The following TMEM53 variants were observed in gnomAD, a reference collection of about 807,000 sequenced individuals.
TMEM53 encodes the protein novel DUF829 domain-containing protein.
TMEM53 carries 14 observed loss-of-function variants against 21.4 expected under a neutral mutation model. The observed-to-expected ratio is 0.65, with a 90% CI of 0.43 to 1.02. The LOEUF (loss-of-function observed/expected upper bound fraction) is 1.02. Ranked by LOEUF, TMEM53 falls within the 50% of genes least tolerant of loss-of-function variation. The pLI is 0.00. For missense variants in TMEM53, 323 were observed against 383.6 expected (o/e 0.84, Z 1.32); for synonymous variants, 148 against 157.4 (o/e 0.94, Z 0.45).
At chr1:44,669,900 G>A (rs1490445609) in intron 1 of TMEM53, among the ~76,000 whole-genome samples, 2 of 151,114 alleles carry the variant, frequency 1.3e-5, no homozygotes, top group Non-Finnish European at 2.9e-5. Flanking sequence ...CCAGGTTCAA[G>A]CGATTCTCCT....
rs527847949 is a variant in TMEM53 at position 44,655,374 on chromosome 1, G to A, written c.184-165C>T. Among the ~76,000 whole-genome samples the A allele has an allele frequency of 5.3e-5, 8 of 152,244 alleles. No individual in the cohort carries two copies. Among genetic ancestry groups the A allele is most frequent in the Admixed American group, 1.3e-4 (2 of 15,296 alleles). ...TTCAGCCTGAGCCCACCAGCCCGCT[G>A]CCCACAGACACAGGTGCCTTCTGGG... On this transcript the variant is annotated intron_variant, in intron 2 of 2. Transcript: ENST00000372237. This position sits in a 1 kb window ranked among gnomAD's most constrained non-coding sequence, Gnocchi z 4.4.
chr1:44,658,434 C>T lies in TMEM53; in HGVS notation c.183+1740G>A, dbSNP rs183324240. ...CCTCAATCCATCACCTTACCTCTAC[C>T]GACACCCCCAACTCCAAGGTCCTGA... On this transcript the variant is annotated intron_variant, in intron 2 of 2. Coordinates refer to ENST00000372237, the MANE Select transcript of TMEM53 (RefSeq NM_024587.4). 7.4e-4 allele frequency among the ~76,000 whole-genome samples: 113 copies of T among 152,234 alleles called. 1 individual carries two copies. In the East Asian group the frequency reaches 0.018, roughly 24 times the overall value.
intron 1 of TMEM53, among the ~76,000 whole-genome samples, chr1:44,662,049 C>T (rs1165782925): frequency 6.6e-6 from 1 of 152,242 alleles, no homozygotes; most frequent in African/African-American, 2.4e-5. Flanking sequence ...TTTATGGATG[C>T]CGGTGGTGAC....
chr1:44,664,311 C>T (rs972639932), intron 1 of TMEM53, among the ~76,000 whole-genome samples: 1 of 151,890 alleles, frequency 6.6e-6, no homozygotes, highest in Non-Finnish European at 1.5e-5. Context: ...ATCAGCCGGA[C>T]GTGGTGGCAC....
At chr1:44,666,612 G>A (rs1435431783) in intron 1 of TMEM53, among the ~76,000 whole-genome samples, 2 of 152,134 alleles carry the variant, frequency 1.3e-5, no homozygotes, top group African/African-American at 4.8e-5. Flanking sequence ...AAATAAGTCA[G>A]ATACAAAGGG....
intron 2 of TMEM53, among the ~76,000 whole-genome samples, chr1:44,658,614 G>C (rs911748560): frequency 6.6e-6 from 1 of 152,020 alleles, no homozygotes; most frequent in Admixed American, 6.6e-5. Context: ...GCAGTGGTGC[G>C]ACTTCGGCTC....
intron 1 of TMEM53, among the ~76,000 whole-genome samples, chr1:44,661,606 T>C (rs1295872595): frequency 6.6e-6 from 1 of 152,130 alleles, no homozygotes; most frequent in Non-Finnish European, 1.5e-5. Context: ...TGCCAGAGAA[T>C]AGCCTATATT....
At chr1:44,674,177 C>A (rs888726594) in intron 1 of TMEM53, 154 bp downstream of exon 1, 33 of 985,016 alleles carry the variant, frequency 3.4e-5, no homozygotes, top group Non-Finnish European at 4.0e-5. Context: ...GCGGGGCTCT[C>A]TGAGCCTCTC....
chr1:44,654,542 G>A lies in TMEM53; in HGVS notation c.*17C>T. The A allele has an allele frequency of 6.3e-7, 1 of 1,594,852 alleles. No homozygotes were observed. Among genetic ancestry groups the A allele is most frequent in the Non-Finnish European group, 8.6e-7 (1 of 1,166,200 alleles). ...AGGCATTTATTTCTGGAGCAGAGGT[G>A]AGATGGAGCAATGGCCTCAGCAGCG... On this transcript the variant is annotated 3_prime_UTR_variant, in exon 3 of 3. Coordinates refer to ENST00000372237, the MANE Select transcript of TMEM53 (RefSeq NM_024587.4). This position sits in a 1 kb window ranked among gnomAD's most constrained non-coding sequence, Gnocchi z 7.0.
At chr1:44,673,432 A>T (rs1645033642) in intron 1 of TMEM53, among the ~76,000 whole-genome samples, 1 of 152,224 alleles carries the variant, frequency 6.6e-6, no homozygotes, top group Non-Finnish European at 1.5e-5. Flanking sequence ...GACTAATGCA[A>T]GTGAGGGACA....
chr1:44,656,720 G>T (rs1482109568), intron 2 of TMEM53, among the ~76,000 whole-genome samples: 4 of 149,366 alleles, frequency 2.7e-5, no homozygotes, highest in Non-Finnish European at 5.9e-5. Context: ...CTCTAAAAAA[G>T]AAAAAAAAAA....
intron 1 of TMEM53, among the ~76,000 whole-genome samples, chr1:44,664,977 G>A (rs986294208): frequency 2.0e-5 from 3 of 151,488 alleles, no homozygotes; most frequent in Non-Finnish European, 4.4e-5. Flanking sequence ...TCCAGCCCAC[G>A]ATGCTGATGC....
At position 44,655,383 on chromosome 1, in the gene TMEM53, C is replaced by T. The variant is rs948995318; in HGVS notation, c.184-174G>A. On this transcript the variant is annotated intron_variant, in intron 2 of 2. Transcript: ENST00000372237. This position sits in a 1 kb window ranked among gnomAD's most constrained non-coding sequence, Gnocchi z 4.4. ...AGCCCACCAGCCCGCTGCCCACAGA[C>T]ACAGGTGCCTTCTGGGCAGGGAAGG... is the stretch of plus-strand genomic sequence containing the variant. Among the ~76,000 whole-genome samples, 2 of 152,212 alleles carry T rather than the reference C, an allele frequency of 1.3e-5. No homozygotes were observed. Among genetic ancestry groups the T allele is most frequent in the Non-Finnish European group, 2.9e-5 (2 of 68,030 alleles).
intron 1 of TMEM53, among the ~76,000 whole-genome samples, chr1:44,673,333 T>C (rs968224017): frequency 6.6e-5 from 10 of 152,146 alleles, no homozygotes; most frequent in Non-Finnish European, 2.9e-5. Flanking sequence ...GAGTATAAGA[T>C]CAAACCTTTG....
At chr1:44,669,411 T>C (rs1644979221) in intron 1 of TMEM53, among the ~76,000 whole-genome samples, 1 of 152,236 alleles carries the variant, frequency 6.6e-6, no homozygotes, top group Admixed American at 6.5e-5. Flanking sequence ...TGCATGTCCC[T>C]AATTGTTTCC....
intron 1 of TMEM53, among the ~76,000 whole-genome samples, chr1:44,665,730 A>AAGCAGATC (rs1030737610): frequency 6.6e-6 from 1 of 152,176 alleles, no homozygotes; most frequent in Non-Finnish European, 1.5e-5. Flanking sequence ...ATAATACATT[A>AAGCAGATC]AGCAGATCAT....
intron 1 of TMEM53, among the ~76,000 whole-genome samples, chr1:44,665,254 G>A (rs1180085824): frequency 6.6e-6 from 1 of 152,210 alleles, no homozygotes; most frequent in African/African-American, 2.4e-5. Flanking sequence ...GCCTGAACCA[G>A]AGCAGTGGAG....
rs1221964299 is a variant in TMEM53 at position 44,654,824 on chromosome 1, G to A, written c.569C>T (p.Pro190Leu). Residue 190 changes from proline (P) to leucine (L), a missense_variant, in exon 3 of 3, where the codon CCC becomes CTC. Transcript: ENST00000372237. The surrounding 1 kb of genome is among the most constrained non-coding windows in gnomAD (Gnocchi z 7.0). The part of the protein sequence containing the change: ...VVVLFHVLLA[P>L]ITALFHTHFY... ...GTGGGTGTGGAAGAGGGCTGTGATG[G>A]GAGCAAGCAGGACGTGGAACAGGAC... 1 of 1,613,406 alleles carries A rather than the reference G, an allele frequency of 6.2e-7. No individual in the cohort carries two copies. Among genetic ancestry groups the A allele is most frequent in the Non-Finnish European group, 8.5e-7 (1 of 1,180,040 alleles).
chr1:44,660,248 C>T lies in TMEM53; in HGVS notation c.109G>A (p.Val37Met), dbSNP rs1311963582. Residue 37 changes from valine to methionine, a missense_variant, in exon 2 of 3, where the codon GTG becomes ATG. Coordinates refer to ENST00000372237, the MANE Select transcript of TMEM53 (RefSeq NM_024587.4). ...GGKEAETRQP[V>M]VILLGWGGCK... ...CCACCCCAGCCCAAGAGAATCACCA[C>T]AGGCTGCCGAGTTTCTGCCTCCTTC... 4 of 1,614,128 alleles carry T rather than the reference C, an allele frequency of 2.5e-6. No individual in the cohort carries two copies. In the South Asian group the frequency reaches 3.3e-5, roughly 13 times the overall value.
Sources: gnomAD v4.1 joint callset for allele counts (sites outside exome capture counted in the v4.1 genomes callset) on GRCh38, gnomAD v4.1.1 for gene constraint, Gnocchi (gnomAD v3.1) non-coding constraint, MANE v1.5 for transcripts, NCBI Gene and HGNC (gene_info 2026-07-23, HGNC 2026-07-21) for gene names.